Variants in CCDC102B observed in about 807,000 individuals in gnomAD.
CCDC102B encodes coiled-coil domain-containing protein 102B.
CCDC102B carries 75 observed loss-of-function variants against 57.4 expected under a neutral mutation model. The ratio of observed to expected loss-of-function variants is 1.31; its 90% CI spans 1.08 to 1.58. CCDC102B has a LOEUF of 1.58. CCDC102B is among the 40% of genes most tolerant of loss of function. The pLI is 0.00. For synonymous variants in CCDC102B, 206 were observed against 201.9 expected (o/e 1.02, Z -0.17); for missense variants, 636 against 582.6 (o/e 1.09, Z -0.94).
Position 68,860,479 on chromosome 18 carries a change from A to AACAAAAC in CCDC102B, c.936+14059_936+14060insCAAAACA, listed in dbSNP as rs1201893925. Among the ~76,000 whole-genome samples the AACAAAAC allele has an allele frequency of 1.3e-3, 105 of 77,938 alleles. 1 individual carries two copies. Among genetic ancestry groups the AACAAAAC allele is most frequent in the Admixed American group, 5.4e-3 (39 of 7,248 alleles). 51.1% of individuals were successfully genotyped at this position (77,938 alleles called of 152,430 possible). ...AAAAAAAAACAAAAACAAAAACAAA[A>AACAAAAC]AAAAAAAAAGACACTACAGGATGAC... On this transcript the variant is annotated intron_variant, in intron 4 of 7. Transcript: ENST00000360242.
intron 2 of CCDC102B, among the ~76,000 whole-genome samples, chr18:68,759,306 A>T (rs980104203): frequency 1.3e-5 from 2 of 152,138 alleles, no homozygotes; most frequent in East Asian, 3.8e-4. Context: ...ACAATAATCA[A>T]GAAAATTTTA....
chr18:68,756,880 G>GGTGTGTGT (rs34070734), intron 2 of CCDC102B, among the ~76,000 whole-genome samples: 7 of 150,150 alleles, frequency 4.7e-5, no homozygotes, highest in Non-Finnish European at 1.0e-4. Flanking sequence ...TGCTATATCT[G>GGTGTGTGT]GTGTGTGTGT....
At chr18:68,728,100 A>G (rs1029350179) in intron 2 of CCDC102B, among the ~76,000 whole-genome samples, 2 of 152,210 alleles carry the variant, frequency 1.3e-5, no homozygotes, top group Non-Finnish European at 2.9e-5. Flanking sequence ...ATATGGGTCT[A>G]TGAAATGAGT....
chr18:69,047,263 C>T (rs1296637388), intron 7 of CCDC102B, among the ~76,000 whole-genome samples: 1 of 152,094 alleles, frequency 6.6e-6, no homozygotes, highest in Non-Finnish European at 1.5e-5. Context: ...TGTGAATCAT[C>T]ACATAAAGAC....
intron 6 of CCDC102B, among the ~76,000 whole-genome samples, chr18:68,938,110 C>A (rs1378761539): frequency 6.6e-6 from 1 of 151,872 alleles, no homozygotes; most frequent in Non-Finnish European, 1.5e-5. Flanking sequence ...CAACTCAGAC[C>A]TTATTAAGTC....
chr18:68,999,923 C>A (rs182622607), intron 6 of CCDC102B, among the ~76,000 whole-genome samples: 2 of 152,244 alleles, frequency 1.3e-5, no homozygotes, highest in African/African-American at 4.8e-5. Context: ...ATGACTATAG[C>A]AGGTAGACTT....
At chr18:68,940,564 A>G (rs2049351668) in intron 6 of CCDC102B, among the ~76,000 whole-genome samples, 1 of 151,890 alleles carries the variant, frequency 6.6e-6, no homozygotes, top group Non-Finnish European at 1.5e-5. Context: ...CTTGTGAGAT[A>G]CAAGTTAATA....
intron 5 of CCDC102B, among the ~76,000 whole-genome samples, chr18:68,885,728 T>C (rs1305031276): frequency 6.6e-6 from 1 of 152,002 alleles, no homozygotes; most frequent in East Asian, 1.9e-4. Flanking sequence ...TTCTGTAACC[T>C]CTTTGCAGTT....
At chr18:69,006,463 G>C (rs2051348135) in intron 6 of CCDC102B, among the ~76,000 whole-genome samples, 1 of 151,472 alleles carries the variant, frequency 6.6e-6, no homozygotes, top group South Asian at 2.1e-4. Flanking sequence ...TTGCTCTGTT[G>C]CCTTGCTGGA....
At chr18:68,810,680 GTTTTTTTT>G (rs61714863) in intron 1 of CCDC102B, among the ~76,000 whole-genome samples, 1 of 77,042 alleles carries the variant, frequency 1.3e-5, no homozygotes, top group Non-Finnish European at 2.4e-5. Context: ...TCTTTTCTTT[GTTTTTTTT>G]TTTTTTTTTT....
intron 7 of CCDC102B, among the ~76,000 whole-genome samples, chr18:69,038,063 TTAA>T (rs915820592): frequency 6.6e-6 from 1 of 152,038 alleles, no homozygotes; most frequent in Non-Finnish European, 1.5e-5. Flanking sequence ...AAATGAATAA[TTAA>T]TAATATCACA....
intron 1 of CCDC102B, chr18:68,715,537 T>A (rs1281299933): frequency 6.5e-6 from 1 of 152,684 alleles, no homozygotes; most frequent in Non-Finnish European, 1.5e-5. Context: ...AAAACGTATT[T>A]GTAATATTCT....
chr18:69,000,121 A>T (rs2051162103), intron 6 of CCDC102B, among the ~76,000 whole-genome samples: 1 of 152,222 alleles, frequency 6.6e-6, no homozygotes, highest in Non-Finnish European at 1.5e-5. Flanking sequence ...CAATGATCAA[A>T]GCATAAGAGG....
intron 6 of CCDC102B, among the ~76,000 whole-genome samples, chr18:68,899,028 G>A (rs1217033717): frequency 1.3e-5 from 2 of 152,024 alleles, no homozygotes; most frequent in Non-Finnish European, 2.9e-5. Context: ...TGGAAACTGA[G>A]AGGATCCTCA....
intron 6 of CCDC102B, among the ~76,000 whole-genome samples, chr18:68,975,469 A>G (rs1183221880): frequency 6.6e-6 from 1 of 152,058 alleles, no homozygotes; most frequent in Non-Finnish European, 1.5e-5. Context: ...CTTACTGTGA[A>G]TTAATTTTTC....
At chr18:69,016,782 T>G (rs2051680299) in intron 7 of CCDC102B, among the ~76,000 whole-genome samples, 1 of 152,200 alleles carries the variant, frequency 6.6e-6, no homozygotes, top group Admixed American at 6.5e-5. Context: ...AATATAACTC[T>G]GCCATAACTT....
upstream of CCDC102B, among the ~76,000 whole-genome samples, chr18:68,796,738 A>G (rs2035641815): frequency 6.6e-6 from 1 of 152,054 alleles, no homozygotes. Context: ...AGATGTCTTC[A>G]TGTGGGCAGG....
At chr18:68,891,087 A>C (rs1027260148) in intron 5 of CCDC102B, among the ~76,000 whole-genome samples, 1 of 152,174 alleles carries the variant, frequency 6.6e-6, no homozygotes, top group Non-Finnish European at 1.5e-5. Flanking sequence ...TATCTCTTTT[A>C]AACTGTTTCC....
intron 6 of CCDC102B, among the ~76,000 whole-genome samples, chr18:68,956,058 C>T (rs952325949): frequency 2.6e-5 from 4 of 151,464 alleles, no homozygotes; most frequent in African/African-American, 9.7e-5. Flanking sequence ...AATTGAGAAC[C>T]TGCAAAGTTT....
Sources: allele counts gnomAD v4.1 joint callset (sites outside exome capture counted in the v4.1 genomes callset), GRCh38; gene constraint gnomAD v4.1.1; transcripts MANE v1.5; gene names NCBI Gene and HGNC (gene_info 2026-07-23, HGNC 2026-07-21).